The following PCSK5 variants were observed in gnomAD, a reference collection of about 807,000 sequenced individuals.
The protein encoded by PCSK5 is proprotein convertase subtilisin/kexin type 5.
PCSK5 carries 129 observed loss-of-function variants against 233.2 expected under a neutral mutation model. The ratio of observed to expected loss-of-function variants is 0.55; its 90% CI spans 0.48 to 0.64. The LOEUF (loss-of-function observed/expected upper bound fraction) is 0.64, where lower values mean the gene tolerates loss of function less well. PCSK5 is among the 30% of genes least tolerant of loss of function. The pLI, the probability that PCSK5 is intolerant of heterozygous loss-of-function variation, is 0.00. For missense variants in PCSK5, 2,076 were observed against 2,430.1 expected (o/e 0.85, Z 3.06); for synonymous variants, 825 against 879.2 (o/e 0.94, Z 1.09).
At chr9:76,179,570 G>GATTT in intron 14 of PCSK5, 26 bp from the exon 15 acceptor site, 1 of 1,544,012 alleles carries the variant, frequency 6.5e-7, no homozygotes, top group African/African-American at 1.4e-5. Context: ...ATTTTTCCAA[G>GATTT]TATTGTTCTA....
At chr9:75,966,107 A>G (rs1471047400) in intron 2 of PCSK5, among the ~76,000 whole-genome samples, 19 of 152,172 alleles carry the variant, frequency 1.2e-4, no homozygotes, top group Admixed American at 1.2e-3. Context: ...CTTGGCCCTA[A>G]GCCCTTGTGT....
chr9:76,132,992 C>T (rs1467325858), intron 9 of PCSK5, among the ~76,000 whole-genome samples: 2 of 151,980 alleles, frequency 1.3e-5, no homozygotes, highest in African/African-American at 4.8e-5. Context: ...ACCAAGTTCT[C>T]CCTCTGCCTG....
chr9:76,350,919 A>G lies in PCSK5; in HGVS notation c.5058A>G (p.Arg1686=). Residue 1686 remains arginine (R), a synonymous_variant, in exon 36 of 38, where the codon AGA becomes AGG. Coordinates refer to ENST00000674117, the MANE Select transcript of PCSK5 (RefSeq NM_001372043.1). ...CGGACTGTCTTGTGGGGGAATACAGAGTGGGAGAGGTATGGAGGGCTGGGG... is the reference window on the plus strand; with the variant it reads ...CGGACTGTCTTGTGGGGGAATACAGGGTGGGAGAGGTATGGAGGGCTGGGG... ...CTSDCLVGEY[R]VGEGEKFNCE... is the part of the protein sequence containing the mutation. 1 of 1,588,314 alleles carries G rather than the reference A, an allele frequency of 6.3e-7. No homozygotes were observed. The highest frequency in any genetic ancestry group is 8.6e-7 in the Non-Finnish European group (1 of 1,158,872).
At chr9:76,123,751 G>A (rs1832734750) in intron 9 of PCSK5, among the ~76,000 whole-genome samples, 1 of 152,092 alleles carries the variant, frequency 6.6e-6, no homozygotes, top group Non-Finnish European at 1.5e-5. Flanking sequence ...TTGACCTTCA[G>A]AGTCTGTATT....
intron 9 of PCSK5, among the ~76,000 whole-genome samples, chr9:76,109,977 T>A (rs1832142801): frequency 6.6e-6 from 1 of 152,156 alleles, no homozygotes. Context: ...AGGCTGCAGT[T>A]GCTCTAAAAC....
At chr9:75,966,888 C>A (rs1472915540) in intron 2 of PCSK5, among the ~76,000 whole-genome samples, 8 of 152,122 alleles carry the variant, frequency 5.3e-5, no homozygotes, top group Admixed American at 1.3e-4. Context: ...TTGTGAAAAA[C>A]CCTTAAGCAC....
chr9:75,930,142 C>A (rs534893770), intron 1 of PCSK5, among the ~76,000 whole-genome samples: 6 of 152,264 alleles, frequency 3.9e-5, no homozygotes, highest in African/African-American at 1.4e-4. Flanking sequence ...GGGTTATAGG[C>A]ATGAGCCACT....
At chr9:76,050,320 T>A (rs2131554948) in intron 5 of PCSK5, among the ~76,000 whole-genome samples, 1 of 152,274 alleles carries the variant, frequency 6.6e-6, no homozygotes. Context: ...AATATTTACA[T>A]GACATCGATT....
chr9:76,006,616 C>T (rs1398462702), intron 3 of PCSK5, among the ~76,000 whole-genome samples: 2 of 152,152 alleles, frequency 1.3e-5, no homozygotes, highest in African/African-American at 2.4e-5. Flanking sequence ...TTTTTCAGAA[C>T]ACGTTTCCTT....
intron 4 of PCSK5, 85 bp downstream of exon 4, chr9:76,023,966 C>T: frequency 1.6e-6 from 2 of 1,269,922 alleles, no homozygotes; most frequent in Non-Finnish European, 2.2e-6. Flanking sequence ...TGGATAGCTA[C>T]TGAAAAATGT....
At chr9:76,077,774 T>C (rs1830691860) in intron 7 of PCSK5, among the ~76,000 whole-genome samples, 1 of 152,260 alleles carries the variant, frequency 6.6e-6, no homozygotes, top group Admixed American at 6.5e-5. Context: ...CCATGGTGTA[T>C]GTGTACCACA....
Position 76,071,857 on chromosome 9 carries a change from G to T in PCSK5, c.853G>T (p.Ala285Ser). 6.2e-7 allele frequency: 1 copy of T among 1,614,180 alleles called. No homozygotes were observed. Among genetic ancestry groups the T allele is most frequent in the Non-Finnish European group, 8.5e-7 (1 of 1,180,036 alleles). The change falls in exon 7 of 38, where the codon GCC becomes TCC. Residue 285 changes from alanine to serine, a missense_variant. Ala to Ser is a moderately conservative substitution (Grantham distance 99). Around this residue, in one of 6 missense-constraint regions of PCSK5, gnomAD observed 178 missense variants for 393.6 expected, o/e 0.45. Transcript: ENST00000674117. ...TGATGGCAAGACTGTGGACGGACCA[G>T]CCCCCCTCACCCGGCAAGCCTTTGA... ...DDDGKTVDGP[A>S]PLTRQAFENG...
chr9:76,281,660 T>C lies in PCSK5; in HGVS notation c.3143-10573T>C, dbSNP rs112152234. On this transcript the variant is annotated intron_variant, in intron 24 of 37. Coordinates refer to ENST00000674117, the MANE Select transcript of PCSK5 (RefSeq NM_001372043.1). ...GAGTAATTTCAAATTTCAAGTATTA[T>C]TATTTTGAAACAGGGTCCCACTCTG... 7.8e-3 allele frequency among the ~76,000 whole-genome samples: 1,183 copies of C among 152,280 alleles called. 12 individuals carry two copies. Among genetic ancestry groups the C allele is most frequent in the African/African-American group, 0.027 (1,119 of 41,558 alleles).
In PCSK5 at chr9:76,181,523, G is replaced by T; in HGVS notation, c.2129G>T (p.Gly710Val). 2 of 1,614,022 alleles carry T rather than the reference G, an allele frequency of 1.2e-6. No homozygotes were observed. Among genetic ancestry groups the T allele is most frequent in the Middle Eastern group, 1.7e-4 (1 of 6,060 alleles). ...HGDQCMSCKY[G>V]YFLNEETNSC... ...GACCAATGCATGTCCTGCAAATATG[G>T]ATACTTTCTGAATGAAGAAACCAAC... The change falls in exon 16 of 38, where the codon GGA becomes GTA. Residue 710 changes from glycine to valine, a missense_variant. This residue lies in a region of PCSK5 where 1,510 missense variants were observed against 1,538.1 expected (regional missense o/e 0.98). Transcript: ENST00000674117.
intron 10 of PCSK5, among the ~76,000 whole-genome samples, chr9:76,152,858 A>G (rs921055375): frequency 2.6e-5 from 4 of 152,174 alleles, no homozygotes; most frequent in Admixed American, 1.3e-4. Flanking sequence ...CTTTCAAACT[A>G]TGCAATTACC....
chr9:75,967,272 G>T (rs1268638403), intron 2 of PCSK5, among the ~76,000 whole-genome samples: 1 of 152,100 alleles, frequency 6.6e-6, no homozygotes, highest in African/African-American at 2.4e-5. Flanking sequence ...GTAGCCCCCA[G>T]TATCTGCTGT....
chr9:75,920,749 A>G (rs1823220712), intron 1 of PCSK5, among the ~76,000 whole-genome samples: 1 of 152,096 alleles, frequency 6.6e-6, no homozygotes, highest in South Asian at 2.1e-4. Context: ...GAGGTTGCAG[A>G]GAGCCGAGAT....
rs111566447 is a variant in PCSK5, at chr9:76,081,975, A to C, written c.894+10077A>C. On this transcript the variant is annotated intron_variant, in intron 7 of 37. Transcript: ENST00000674117. ...TTCCCAGCTTGAGCTTCATCTTTCA[A>C]TTCTGCCTGAATACTGCAGTCAATG... Among the ~76,000 whole-genome samples the C allele has an allele frequency of 7.4e-3, 1,133 of 152,196 alleles. 17 individuals carry two copies. The highest frequency in any genetic ancestry group is 0.023 in the African/African-American group (963 of 41,514).
At chr9:75,963,178 G>T (rs988774597) in intron 2 of PCSK5, among the ~76,000 whole-genome samples, 3 of 152,098 alleles carry the variant, frequency 2.0e-5, no homozygotes, top group African/African-American at 7.2e-5. Context: ...CGGCTCACAG[G>T]TTAGCATTTG....
Sources: allele counts gnomAD v4.1 joint callset (sites outside exome capture counted in the v4.1 genomes callset), GRCh38; gene constraint gnomAD v4.1.1; regional missense constraint gnomAD v4.1.1; transcripts MANE v1.5; gene names NCBI Gene and HGNC (gene_info 2026-07-23, HGNC 2026-07-21).